Variants in DTNBP1 observed in about 807,000 individuals in gnomAD.
DTNBP1 encodes the protein dystrobrevin binding protein 1, also known as dysbindin.
Under a neutral mutation model 42.8 loss-of-function variants are expected in DTNBP1, and 35 were observed. The observed-to-expected ratio is 0.82, with a 90% CI of 0.63 to 1.09. DTNBP1 has a LOEUF of 1.09. Ranked by LOEUF, DTNBP1 falls within the 50% of genes least tolerant of loss-of-function variation. DTNBP1 has a pLI of 0.00. For missense variants in DTNBP1, 457 were observed against 424.2 expected (o/e 1.08, Z -0.68); for synonymous variants, 171 against 162.2 (o/e 1.05, Z -0.41).
chr6:15,570,829 G>A (rs896516962), intron 7 of DTNBP1, among the ~76,000 whole-genome samples: 3 of 152,116 alleles, frequency 2.0e-5, no homozygotes, highest in African/African-American at 7.2e-5. Context: ...AACTAAGGTG[G>A]TATGCTAACT....
chr6:15,605,812 C>G (rs752624059), intron 6 of DTNBP1, among the ~76,000 whole-genome samples: 7 of 152,186 alleles, frequency 4.6e-5, no homozygotes, highest in Admixed American at 6.5e-5. Context: ...CACTCATCTT[C>G]TGAACTATCT....
intron 3 of DTNBP1, among the ~76,000 whole-genome samples, chr6:15,641,307 G>A (rs1760337162): frequency 6.6e-6 from 1 of 152,204 alleles, no homozygotes; most frequent in African/African-American, 2.4e-5. Context: ...TTACTGGTGA[G>A]TGGACAAATT....
intron 6 of DTNBP1, among the ~76,000 whole-genome samples, chr6:15,611,935 T>C (rs1006431512): frequency 3.3e-5 from 5 of 152,180 alleles, no homozygotes; most frequent in African/African-American, 7.2e-5. Context: ...AGAAAGGACA[T>C]AGAATGTTAT....
rs1195241523 is a variant in DTNBP1 at position 15,660,369 on chromosome 6, A to G, written c.56+2445T>C. The G allele has an allele frequency of 2.3e-6, 3 of 1,289,792 alleles. No homozygotes were observed. The East Asian group carries it at 1.7e-4, about 72-fold the overall frequency. 79.9% of individuals were successfully genotyped at this position (1,289,792 alleles called of 1,614,324 possible). ...AAGTTTAACCGAACAGCTTAAATGT[A>G]GGAAATTGAGGACCTGAAGAAAGTG... On this transcript the variant is annotated intron_variant, in intron 1 of 9. Coordinates refer to ENST00000344537, the MANE Select transcript of DTNBP1 (RefSeq NM_032122.5).
intron 1 of DTNBP1, among the ~76,000 whole-genome samples, chr6:15,657,894 C>T (rs949600937): frequency 6.6e-6 from 1 of 152,228 alleles, no homozygotes; most frequent in East Asian, 1.9e-4. Context: ...CCAAATCTAT[C>T]GCAATTTCTC....
intron 7 of DTNBP1, among the ~76,000 whole-genome samples, chr6:15,533,915 C>T (rs1210739921): frequency 2.6e-5 from 4 of 152,230 alleles, no homozygotes; most frequent in Admixed American, 1.3e-4. Flanking sequence ...ACAGTAAGCT[C>T]TCAAGGTATG....
intron 7 of DTNBP1, among the ~76,000 whole-genome samples, chr6:15,554,626 T>C (rs1774408237): frequency 1.3e-5 from 2 of 152,056 alleles, no homozygotes; most frequent in South Asian, 4.2e-4. Flanking sequence ...GGAACAGAAA[T>C]TGATGCTAAG....
At chr6:15,600,535 T>G (rs1256541853) in intron 6 of DTNBP1, among the ~76,000 whole-genome samples, 1 of 152,064 alleles carries the variant, frequency 6.6e-6, no homozygotes, top group East Asian at 1.9e-4. Flanking sequence ...TGGGAAAAAA[T>G]GAGCACTCTA....
In DTNBP1 at chr6:15,626,789, TG is replaced by T. The variant is rs142933912; in HGVS notation, c.355+553del. Among the ~76,000 whole-genome samples the T allele has an allele frequency of 1.3e-3, 195 of 152,274 alleles. 1 individual carries two copies. The East Asian group carries it at 0.014, about 11-fold the overall frequency. On this transcript the variant is annotated intron_variant, in intron 5 of 9. Transcript: ENST00000344537. ...TGTTTGAGACAAGGTCTCACTATGT[TG>T]CCCAGGCTGGATTCAAACTCCTGGG...
chr6:15,557,265 T>G (rs1255646613), intron 7 of DTNBP1, among the ~76,000 whole-genome samples: 5 of 150,848 alleles, frequency 3.3e-5, no homozygotes, highest in Admixed American at 6.6e-5. Context: ...TTTTTTTTTT[T>G]GCCTGGTTTA....
intron 7 of DTNBP1, among the ~76,000 whole-genome samples, chr6:15,547,430 G>A (rs62396146): frequency 6.6e-6 from 1 of 152,088 alleles, no homozygotes; most frequent in South Asian, 2.1e-4. Context: ...TGCTCTAGAC[G>A]AACTACATCT....
intron 8 of DTNBP1, among the ~76,000 whole-genome samples, chr6:15,525,159 T>C (rs1772290606): frequency 6.6e-6 from 1 of 152,156 alleles, no homozygotes; most frequent in Non-Finnish European, 1.5e-5. Context: ...TTGACCTACA[T>C]CTGTAAGCTG....
intron 4 of DTNBP1, among the ~76,000 whole-genome samples, chr6:15,634,208 T>G (rs1759865475): frequency 6.6e-6 from 1 of 152,196 alleles, no homozygotes; most frequent in Non-Finnish European, 1.5e-5. Flanking sequence ...AGGCTGCAGA[T>G]ATATTCACAT....
chr6:15,542,351 G>A (rs1773615645), intron 7 of DTNBP1, among the ~76,000 whole-genome samples: 1 of 151,920 alleles, frequency 6.6e-6, no homozygotes, highest in African/African-American at 2.4e-5. Context: ...TTAAAAATTG[G>A]GACCTATGAT....
intron 8 of DTNBP1, among the ~76,000 whole-genome samples, chr6:15,532,899 A>G (rs1397985877): frequency 6.6e-6 from 1 of 151,758 alleles, no homozygotes; most frequent in African/African-American, 2.4e-5. Context: ...AGGTTTCACC[A>G]TGTTGGCCAG....
At position 15,523,157 on chromosome 6, in the gene DTNBP1, T is replaced by C. The variant is rs73369534; in HGVS notation, c.874A>G (p.Arg292Gly). The change falls in exon 10 of 10, where the codon AGA (arginine) becomes GGA (glycine). Residue 292 changes from arginine (R) to glycine (G), a missense_variant. Arg to Gly is a moderately radical substitution (Grantham distance 125). Transcript: ENST00000344537. Reference sequence around the variant, plus strand: ...GAGGAAGAAGAAGGTGGCTTGGCTCTTAATTCTGAGGGATTTGGAACCTGG... The same window carrying C: ...GAGGAAGAAGAAGGTGGCTTGGCTCCTAATTCTGAGGGATTTGGAACCTGG... ...TLQVPNPSELRAKPPSSSSTC... is the reference protein window; with the variant it reads ...TLQVPNPSELGAKPPSSSSTC... 7,393 of 1,614,228 alleles carry C rather than the reference T, an allele frequency of 4.6e-3. 294 individuals are homozygous for C. In the African/African-American group the frequency reaches 0.083, roughly 18 times the overall value.
chr6:15,635,370 C>T (rs1759948877), intron 4 of DTNBP1, among the ~76,000 whole-genome samples: 3 of 152,152 alleles, frequency 2.0e-5, no homozygotes, highest in South Asian at 4.1e-4. Flanking sequence ...CCACCCGCCT[C>T]AGCCTCCCCA....
intron 7 of DTNBP1, among the ~76,000 whole-genome samples, chr6:15,547,398 G>A (rs1394999445): frequency 2.0e-5 from 3 of 152,140 alleles, no homozygotes; most frequent in African/African-American, 7.2e-5. Flanking sequence ...CCCAGGTAAT[G>A]CTGACACTGC....
At chr6:15,641,935 G>A (rs892969125) in intron 3 of DTNBP1, among the ~76,000 whole-genome samples, 1 of 152,202 alleles carries the variant, frequency 6.6e-6, no homozygotes, top group African/African-American at 2.4e-5. Flanking sequence ...CATTACCCAG[G>A]AATGGATGTG....
Sources: allele counts gnomAD v4.1 joint callset (sites outside exome capture counted in the v4.1 genomes callset), GRCh38; gene constraint gnomAD v4.1.1; transcripts MANE v1.5; gene names NCBI Gene and HGNC (gene_info 2026-07-23, HGNC 2026-07-21).